The following JAKMIP2 variants were observed in gnomAD, a reference collection of about 807,000 sequenced individuals.
JAKMIP2 encodes the protein janus kinase and microtubule-interacting protein 2.
Under a neutral mutation model 115.0 loss-of-function variants are expected in JAKMIP2, and 25 were observed. That is an observed-to-expected ratio of 0.22 (90% confidence interval 0.16 to 0.30). JAKMIP2 has a LOEUF of 0.30. Among genes scored for constraint, JAKMIP2 ranks in the 10% least tolerant of loss-of-function variants. The pLI is 1.00. For synonymous variants in JAKMIP2, 334 were observed against 343.6 expected (o/e 0.97, Z 0.31); for missense variants, 642 against 957.6 (o/e 0.67, Z 4.35).
At chr5:147,634,552 G>A (rs184662048) in intron 12 of JAKMIP2, among the ~76,000 whole-genome samples, 11 of 152,232 alleles carry the variant, frequency 7.2e-5, no homozygotes, top group Non-Finnish European at 1.2e-4. Context: ...GGAATATTTC[G>A]AGAGATTGCT....
In JAKMIP2 at chr5:147,650,506, C is replaced by A; in HGVS notation, c.669G>T (p.Leu223=). Residue 223 remains leucine (L), a synonymous_variant, in exon 4 of 22, where the codon CTG becomes CTT. Coordinates refer to ENST00000616793, the MANE Select transcript of JAKMIP2 (RefSeq NM_001270941.2). ...IKAKDRIIFS[L]EKELETQTGY... is the part of the protein sequence containing the mutation. Reference sequence around the variant, plus strand: ...CTGTCTGGGTCTCCAGTTCCTTTTCCAGGGAAAAGATGATCCTGTCCTTGG... The same window carrying A: ...CTGTCTGGGTCTCCAGTTCCTTTTCAAGGGAAAAGATGATCCTGTCCTTGG... 6.2e-7 allele frequency: 1 copy of A among 1,613,708 alleles called. No individual in the cohort carries two copies. The highest frequency in any genetic ancestry group is 8.5e-7 in the Non-Finnish European group (1 of 1,179,840).
chr5:147,703,037 T>C (rs1316727651), intron 1 of JAKMIP2, among the ~76,000 whole-genome samples: 1 of 152,152 alleles, frequency 6.6e-6, no homozygotes, highest in Non-Finnish European at 1.5e-5. Flanking sequence ...CCAAGTCCCA[T>C]AGTGAGTGAG....
At chr5:147,742,163 T>TTTTTTTTA (rs1413650418) in intron 1 of JAKMIP2, among the ~76,000 whole-genome samples, 2 of 90,618 alleles carry the variant, frequency 2.2e-5, no homozygotes, top group African/African-American at 1.2e-4. Flanking sequence ...ATATTTTTTT[T>TTTTTTTTA]ACTATTGTAT....
chr5:147,629,921 G>C (rs558057050), intron 14 of JAKMIP2, among the ~76,000 whole-genome samples, 175 bp from the exon 15 acceptor site: 1 of 152,246 alleles, frequency 6.6e-6, no homozygotes, highest in Non-Finnish European at 1.5e-5. Flanking sequence ...GTGTGAACTT[G>C]GGTCAGGTAC....
At chr5:147,641,926 A>G (rs758751360) in intron 7 of JAKMIP2, among the ~76,000 whole-genome samples, 162 bp from the exon 8 acceptor site, 2 of 152,170 alleles carry the variant, frequency 1.3e-5, no homozygotes, top group Non-Finnish European at 2.9e-5. Context: ...ACTTAAATAT[A>G]TTCAAAACAA....
chr5:147,609,342 CT>C (rs1463972794), intron 20 of JAKMIP2, among the ~76,000 whole-genome samples: 5 of 152,170 alleles, frequency 3.3e-5, no homozygotes, highest in Non-Finnish European at 7.3e-5. Flanking sequence ...TTAGTGCTTC[CT>C]TCAGGAACTC....
chr5:147,737,365 G>A (rs1189150755), intron 1 of JAKMIP2, among the ~76,000 whole-genome samples: 1 of 152,120 alleles, frequency 6.6e-6, no homozygotes, highest in East Asian at 1.9e-4. Flanking sequence ...AATGAAGAAA[G>A]CACTTACTAA....
chr5:147,629,666 T>C (rs1757267629), intron 15 of JAKMIP2, 27 bp downstream of exon 15: 1 of 1,576,346 alleles, frequency 6.3e-7, no homozygotes, highest in Admixed American at 1.7e-5. Flanking sequence ...CAAATTCATA[T>C]CTATACTAAA....
intron 1 of JAKMIP2, among the ~76,000 whole-genome samples, chr5:147,736,911 CTTAG>C (rs1424699709): frequency 6.6e-6 from 1 of 152,036 alleles, no homozygotes; most frequent in Non-Finnish European, 1.5e-5. Context: ...TTGAGTTGTG[CTTAG>C]TTAGTAGTCA....
rs148273873 is a variant in JAKMIP2, at chr5:147,744,157, T to C, written c.-149+38299A>G. ...AAATAAATGAACGAACACAGCAAAT[T>C]GGCCTGTTTCCAAAGGGCAGCTAGA... On this transcript the variant is annotated intron_variant, in intron 1 of 21. Transcript: ENST00000616793. Among the ~76,000 whole-genome samples, 66 of 152,208 alleles carry C rather than the reference T, an allele frequency of 4.3e-4. 1 individual carries two copies. In the East Asian group the frequency reaches 9.8e-3, roughly 23 times the overall value.
chr5:147,628,734 T>C lies in JAKMIP2; in HGVS notation c.1995+17A>G, dbSNP rs1203619744. 6 of 1,603,692 alleles carry C rather than the reference T, an allele frequency of 3.7e-6. No homozygotes were observed. Among genetic ancestry groups the C allele is most frequent in the East Asian group, 2.2e-5 (1 of 44,806 alleles). The stretch of plus-strand genomic sequence containing the variant: ...CCAGACACCGAGATGATTTGAAATG[T>C]TTGTACGGCTCATTACCTTCTCTGC... On this transcript the variant is annotated intron_variant, in intron 16 of 21. Coordinates refer to ENST00000616793, the MANE Select transcript of JAKMIP2 (RefSeq NM_001270941.2).
chr5:147,767,629 A>T (rs114212321), intron 1 of JAKMIP2, among the ~76,000 whole-genome samples: 2,649 of 152,142 alleles, frequency 0.017, 96 homozygotes, highest in African/African-American at 0.061. Context: ...TTCTGGGTTG[A>T]TTTTTATGTA....
chr5:147,662,275 G>A (rs1759039575), intron 2 of JAKMIP2, among the ~76,000 whole-genome samples: 1 of 151,954 alleles, frequency 6.6e-6, no homozygotes, highest in Non-Finnish European at 1.5e-5. Flanking sequence ...ATTTCTGAAT[G>A]TGCCATGAAT....
chr5:147,611,048 C>T (rs184150052), intron 20 of JAKMIP2, among the ~76,000 whole-genome samples: 1 of 152,150 alleles, frequency 6.6e-6, no homozygotes, highest in African/African-American at 2.4e-5. Context: ...CAAGATCGGG[C>T]ACCCCAGGTT....
At chr5:147,637,567 A>G (rs1757684578) in intron 10 of JAKMIP2, among the ~76,000 whole-genome samples, 2 of 150,696 alleles carry the variant, frequency 1.3e-5, no homozygotes, top group Non-Finnish European at 2.9e-5. Context: ...AGCCTCCCAA[A>G]TAGCTTGGAT....
intron 1 of JAKMIP2, among the ~76,000 whole-genome samples, chr5:147,723,187 C>T (rs1753385888): frequency 6.6e-6 from 1 of 151,812 alleles, no homozygotes; most frequent in South Asian, 2.1e-4. Flanking sequence ...GAGAGAATAC[C>T]ATATATCCTA....
intron 1 of JAKMIP2, among the ~76,000 whole-genome samples, chr5:147,700,519 G>A (rs1752282200): frequency 6.6e-6 from 1 of 152,124 alleles, no homozygotes; most frequent in African/African-American, 2.4e-5. Flanking sequence ...TCTAGGAGAA[G>A]AAAATAGGCA....
intron 1 of JAKMIP2, among the ~76,000 whole-genome samples, chr5:147,775,197 C>A (rs1418134078): frequency 6.6e-6 from 1 of 152,170 alleles, no homozygotes; most frequent in Non-Finnish European, 1.5e-5. Flanking sequence ...AGCTAACCCT[C>A]TTGTACAAGT....
chr5:147,719,830 A>C (rs1194851040), intron 1 of JAKMIP2, among the ~76,000 whole-genome samples: 1 of 151,846 alleles, frequency 6.6e-6, no homozygotes. Context: ...TTTTAATTGG[A>C]GCATTTAGTC....
Sources: gnomAD v4.1 joint callset for allele counts (sites outside exome capture counted in the v4.1 genomes callset) on GRCh38, gnomAD v4.1.1 for gene constraint, MANE v1.5 for transcripts, NCBI Gene and HGNC (gene_info 2026-07-23, HGNC 2026-07-21) for gene names.